PACRG: variants seen among roughly 807,000 people sequenced by gnomAD.
PACRG encodes parkin coregulated.
PACRG carries 29 observed loss-of-function variants against 29.7 expected under a neutral mutation model. That is an observed-to-expected ratio of 0.98 (90% CI 0.73 to 1.33). The LOEUF (loss-of-function observed/expected upper bound fraction) is 1.33. PACRG is among the 40% of genes most tolerant of loss of function. The pLI is 0.00. For synonymous variants in PACRG, 116 were observed against 118.7 expected (o/e 0.98, Z 0.15); for missense variants, 279 against 316.2 (o/e 0.88, Z 0.89).
intron 4 of PACRG, among the ~76,000 whole-genome samples, chr6:163,301,787 T>C (rs1248665553): frequency 6.6e-6 from 1 of 152,218 alleles, no homozygotes; most frequent in East Asian, 1.9e-4. Flanking sequence ...GTTGTCGAAA[T>C]TTATCAACAG....
Position 163,062,174 on chromosome 6 carries a change from C to G in PACRG, c.316C>G (p.His106Asp). 6.2e-7 allele frequency: 1 copy of G among 1,613,848 alleles called. No homozygotes were observed. Among genetic ancestry groups the G allele is most frequent in the Non-Finnish European group, 8.5e-7 (1 of 1,179,962 alleles). The change falls in exon 3 of 5, where the codon CAT (histidine) becomes GAT (aspartate). Residue 106 changes from histidine (H) to aspartate (D), a missense_variant. Physicochemically the swap from His to Asp is moderately conservative, Grantham distance 81. Transcript: ENST00000366888. The stretch of plus-strand genomic sequence containing the variant: ...GGTAGAAATTGAGAAGCTGGATTAC[C>G]ATCATTATCTGCCTCTGTTTTTTGA... ...WKVEIEKLDY[H>D]HYLPLFFDGL...
At chr6:163,172,404 G>A (rs1021896480) in intron 4 of PACRG, among the ~76,000 whole-genome samples, 4 of 152,164 alleles carry the variant, frequency 2.6e-5, no homozygotes, top group African/African-American at 9.7e-5. Context: ...TTTTGCTTAA[G>A]CATTAGGAGA....
intron 2 of PACRG, among the ~76,000 whole-genome samples, chr6:162,978,483 T>TACACAC (rs34615004): frequency 6.6e-6 from 1 of 151,020 alleles, no homozygotes; most frequent in African/African-American, 2.4e-5. Context: ...CACACACACA[T>TACACAC]ACACACACAC....
chr6:162,815,947 T>C (rs1315485737), intron 2 of PACRG, among the ~76,000 whole-genome samples: 3 of 152,142 alleles, frequency 2.0e-5, no homozygotes, highest in Non-Finnish European at 4.4e-5. Context: ...ATTGTATTAA[T>C]GAAAATAAAT....
At chr6:162,904,391 C>T (rs901549625) in intron 2 of PACRG, among the ~76,000 whole-genome samples, 13 of 152,282 alleles carry the variant, frequency 8.5e-5, no homozygotes, top group East Asian at 1.9e-4. Context: ...TCTCTCAAGT[C>T]GGGGAACAGC....
chr6:163,198,024 C>T (rs918586229), intron 4 of PACRG, among the ~76,000 whole-genome samples: 3 of 152,166 alleles, frequency 2.0e-5, no homozygotes, highest in Non-Finnish European at 2.9e-5. Flanking sequence ...TTTCTAGATA[C>T]GTGTTTATCT....
At chr6:162,740,068 G>A (rs1780459742) in intron 1 of PACRG, among the ~76,000 whole-genome samples, 1 of 152,010 alleles carries the variant, frequency 6.6e-6, no homozygotes, top group African/African-American at 2.4e-5. Flanking sequence ...TGAGTACTCT[G>A]TATTATGTCC....
At chr6:163,238,187 G>T (rs577812282) in intron 4 of PACRG, among the ~76,000 whole-genome samples, 1 of 152,266 alleles carries the variant, frequency 6.6e-6, no homozygotes, top group African/African-American at 2.4e-5. Context: ...TATGGTCAAA[G>T]TGTCATATTC....
At chr6:163,209,843 ATTCT>A (rs1275154030) in intron 4 of PACRG, among the ~76,000 whole-genome samples, 4 of 152,174 alleles carry the variant, frequency 2.6e-5, no homozygotes, top group African/African-American at 4.8e-5. Context: ...TTACCTTCAC[ATTCT>A]TTCTTTTAAA....
At chr6:162,847,551 T>A (rs1309877349) in intron 2 of PACRG, among the ~76,000 whole-genome samples, 1 of 151,138 alleles carries the variant, frequency 6.6e-6, no homozygotes, top group Non-Finnish European at 1.5e-5. Flanking sequence ...ATAAGGGGCC[T>A]CAGTATAAAG....
At chr6:163,231,568 G>A (rs561675802) in intron 4 of PACRG, among the ~76,000 whole-genome samples, 8 of 152,220 alleles carry the variant, frequency 5.3e-5, no homozygotes, top group Admixed American at 2.0e-4. Flanking sequence ...TCACAACTAT[G>A]AGCCCAGATC....
At chr6:163,077,529 TA>T (rs1168375397) in intron 3 of PACRG, among the ~76,000 whole-genome samples, 1 of 152,178 alleles carries the variant, frequency 6.6e-6, no homozygotes, top group Non-Finnish European at 1.5e-5. Context: ...TGAGAATCCA[TA>T]TCACAATACA....
chr6:162,845,496 T>G (rs1231482026), intron 2 of PACRG, among the ~76,000 whole-genome samples: 1 of 152,090 alleles, frequency 6.6e-6, no homozygotes, highest in African/African-American at 2.4e-5. Context: ...TGCTAAAAAA[T>G]TTCAAGTATA....
chr6:163,103,079 C>A (rs1162396129), intron 4 of PACRG, among the ~76,000 whole-genome samples: 3 of 152,160 alleles, frequency 2.0e-5, no homozygotes, highest in Non-Finnish European at 4.4e-5. Flanking sequence ...CCGCTTAGGA[C>A]AACACCCACA....
intron 2 of PACRG, among the ~76,000 whole-genome samples, chr6:162,862,691 A>G (rs570084875): frequency 6.6e-6 from 1 of 152,274 alleles, no homozygotes; most frequent in African/African-American, 2.4e-5. Context: ...ACGTTTCTCA[A>G]CCCTCATCCA....
chr6:163,233,730 G>A (rs116804014), intron 4 of PACRG, among the ~76,000 whole-genome samples: 1,975 of 152,216 alleles, frequency 0.013, 48 homozygotes, highest in African/African-American at 0.044. Flanking sequence ...GACATATAAA[G>A]GACAGGTCTT....
At chr6:163,091,646 C>T (rs1814118643) in intron 4 of PACRG, among the ~76,000 whole-genome samples, 1 of 152,132 alleles carries the variant, frequency 6.6e-6, no homozygotes, top group Non-Finnish European at 1.5e-5. Context: ...TTCAGAGGGT[C>T]CTATTACAAA....
At position 163,252,374 on chromosome 6, in the gene PACRG, G is replaced by C. The variant is rs73601559; in HGVS notation, c.614-62453G>C. 5.4e-3 allele frequency among the ~76,000 whole-genome samples: 816 copies of C among 152,362 alleles called. 12 individuals carry two copies. Among genetic ancestry groups the C allele is most frequent in the African/African-American group, 0.019 (776 of 41,586 alleles). Reference sequence around the variant, plus strand: ...CGTGGAGTTTAGATGAGCAGCAGGGGGGCGACATCATCGGGGAAACAAATC... The same window carrying C: ...CGTGGAGTTTAGATGAGCAGCAGGGCGGCGACATCATCGGGGAAACAAATC... On this transcript the variant is annotated intron_variant, in intron 4 of 4. Transcript: ENST00000366888.
chr6:163,129,443 C>T (rs895014353), intron 4 of PACRG, among the ~76,000 whole-genome samples: 1 of 152,224 alleles, frequency 6.6e-6, no homozygotes, highest in Non-Finnish European at 1.5e-5. Context: ...GACTGCAGCC[C>T]TCACCATCAG....
Sources: gnomAD v4.1 joint callset for allele counts (sites outside exome capture counted in the v4.1 genomes callset) on GRCh38, gnomAD v4.1.1 for gene constraint, MANE v1.5 for transcripts, NCBI Gene and HGNC (gene_info 2026-07-23, HGNC 2026-07-21) for gene names.